Variants in UNC13C observed in about 807,000 individuals in gnomAD.
UNC13C encodes protein unc-13 homolog C.
A neutral mutation model predicts 245.4 loss-of-function variants in UNC13C; 174 were observed. The observed-to-expected ratio is 0.71, with a 90% CI of 0.63 to 0.80. UNC13C has a LOEUF of 0.80. Among genes scored for constraint, UNC13C ranks in the 30% least tolerant of loss-of-function variants. The pLI, the probability that UNC13C is intolerant of heterozygous loss-of-function variation, is 0.00. For synonymous variants in UNC13C, 992 were observed against 895.1 expected (o/e 1.11, Z -1.93); for missense variants, 2,829 against 2,602.9 (o/e 1.09, Z -1.89).
intron 30 of UNC13C, among the ~76,000 whole-genome samples, chr15:54,616,146 C>A (rs957046344): frequency 1.3e-5 from 2 of 152,050 alleles, no homozygotes; most frequent in Admixed American, 1.3e-4. Context: ...CTCAGCAACA[C>A]ACTTCAGCAA....
In UNC13C at chr15:54,207,716, T is replaced by A. The variant is rs578083649; in HGVS notation, c.3072-27314T>A. Among the ~76,000 whole-genome samples, 41 of 152,266 alleles carry A rather than the reference T, an allele frequency of 2.7e-4. 1 individual carries two copies. In the South Asian group the frequency reaches 7.9e-3, roughly 29 times the overall value. On this transcript the variant is annotated intron_variant, in intron 4 of 32. Transcript: ENST00000260323. ...TAAACAATATTCAGAACACAATATA[T>A]GTCTTTTCTTAAAATGACTCAATGC...
chr15:54,254,313 C>A (rs2036225310), intron 8 of UNC13C, among the ~76,000 whole-genome samples: 1 of 152,180 alleles, frequency 6.6e-6, no homozygotes, highest in Non-Finnish European at 1.5e-5. Flanking sequence ...TGGACTCAAC[C>A]TTATTTTCTA....
At chr15:54,404,371 T>C (rs2040250977) in intron 18 of UNC13C, among the ~76,000 whole-genome samples, 1 of 152,210 alleles carries the variant, frequency 6.6e-6, no homozygotes, top group Admixed American at 6.5e-5. Context: ...ATTTGCAAGA[T>C]AATAAATTGG....
intron 4 of UNC13C, among the ~76,000 whole-genome samples, chr15:54,178,096 G>T (rs1595954496): frequency 6.6e-6 from 1 of 151,976 alleles, no homozygotes; most frequent in African/African-American, 2.4e-5. Flanking sequence ...TTAAGCAGGA[G>T]AATTATTCTC....
intron 4 of UNC13C, among the ~76,000 whole-genome samples, chr15:54,198,250 C>G (rs919092571): frequency 2.0e-5 from 3 of 152,078 alleles, no homozygotes; most frequent in Non-Finnish European, 4.4e-5. Flanking sequence ...GCCCTGGTAG[C>G]CAAAGACAAA....
In UNC13C at chr15:54,088,973, T is replaced by C. The variant is rs73420912; in HGVS notation, c.2984-54045T>C. Among the ~76,000 whole-genome samples the C allele has an allele frequency of 7.7e-3, 1,168 of 152,286 alleles. 25 individuals are homozygous for C. Among genetic ancestry groups the C allele is most frequent in the African/African-American group, 0.027 (1,105 of 41,560 alleles). On this transcript the variant is annotated intron_variant, in intron 2 of 32. Transcript: ENST00000260323. Reference sequence around the variant, plus strand: ...AACTTGGCGGGGGGGAACATCCACATGAAGTTCCAGAAACTTGATGCTGGC... The same window carrying C: ...AACTTGGCGGGGGGGAACATCCACACGAAGTTCCAGAAACTTGATGCTGGC...
intron 30 of UNC13C, among the ~76,000 whole-genome samples, chr15:54,607,560 C>T (rs567691121): frequency 5.7e-4 from 86 of 152,148 alleles, no homozygotes; most frequent in African/African-American, 2.0e-3. Flanking sequence ...AGGTATTAGT[C>T]CATTCTCACA....
the UNC13C span, among the ~76,000 whole-genome samples, chr15:53,925,788 G>A: frequency 4.9e-4 from 74 of 152,242 alleles, no homozygotes; most frequent in African/African-American, 1.6e-3. Flanking sequence ...AGGTGTCTCC[G>A]AAATCTATTT....
chr15:54,416,103 C>A (rs561040028), intron 19 of UNC13C, among the ~76,000 whole-genome samples: 1 of 152,248 alleles, frequency 6.6e-6, no homozygotes, highest in Non-Finnish European at 1.5e-5. Context: ...TAGCAGGGAC[C>A]AGCAGACAGG....
chr15:54,524,539 T>C (rs1262269238), intron 24 of UNC13C, among the ~76,000 whole-genome samples: 1 of 152,234 alleles, frequency 6.6e-6, no homozygotes, highest in Non-Finnish European at 1.5e-5. Context: ...GCTACCCAGC[T>C]GCAGAGATAT....
At chr15:54,138,415 A>G (rs1031754235) in intron 2 of UNC13C, among the ~76,000 whole-genome samples, 8 of 135,102 alleles carry the variant, frequency 5.9e-5, no homozygotes, top group African/African-American at 2.2e-4. Context: ...TCTCAAGTCT[A>G]TTTCTATATA....
At chr15:54,033,616 C>T (rs1459295795) in intron 2 of UNC13C, among the ~76,000 whole-genome samples, 3 of 152,162 alleles carry the variant, frequency 2.0e-5, no homozygotes, top group Non-Finnish European at 4.4e-5. Flanking sequence ...ATAAAATCCC[C>T]TAAAGTTTTG....
intron 28 of UNC13C, among the ~76,000 whole-genome samples, chr15:54,552,376 T>G (rs28623720): frequency 0.01 from 1,059 of 105,528 alleles, 25 homozygotes; most frequent in African/African-American, 0.035. Flanking sequence ...TATTATATAT[T>G]ACAGCATATA....
At chr15:54,153,661 T>G (rs572735582) in intron 4 of UNC13C, among the ~76,000 whole-genome samples, 1 of 152,220 alleles carries the variant, frequency 6.6e-6, no homozygotes, top group East Asian at 1.9e-4. Context: ...TATTTTAAAT[T>G]TAACATTACA....
intron 19 of UNC13C, among the ~76,000 whole-genome samples, chr15:54,472,703 G>A (rs1219151861): frequency 6.6e-6 from 1 of 151,810 alleles, no homozygotes; most frequent in South Asian, 2.1e-4. Flanking sequence ...TCATAATTTT[G>A]AGTATATCAT....
At chr15:54,438,630 G>A (rs184999001) in intron 19 of UNC13C, among the ~76,000 whole-genome samples, 2 of 151,954 alleles carry the variant, frequency 1.3e-5, no homozygotes. Context: ...TTGTTATCTA[G>A]GTAAAATTTC....
At chr15:54,371,393 T>TA (rs2039484441) in intron 17 of UNC13C, among the ~76,000 whole-genome samples, 1 of 152,130 alleles carries the variant, frequency 6.6e-6, no homozygotes, top group Non-Finnish European at 1.5e-5. Context: ...ATTAAACACA[T>TA]ACACTACTCT....
At chr15:54,430,448 T>C (rs2040848672) in intron 19 of UNC13C, among the ~76,000 whole-genome samples, 1 of 151,664 alleles carries the variant, frequency 6.6e-6, no homozygotes, top group Non-Finnish European at 1.5e-5. Context: ...CTCTCATTTA[T>C]ATGTTTGGAT....
At chr15:54,118,806 A>G (rs1249806355) in intron 2 of UNC13C, among the ~76,000 whole-genome samples, 1 of 150,792 alleles carries the variant, frequency 6.6e-6, no homozygotes, top group African/African-American at 2.4e-5. Flanking sequence ...ATTTTGAGGT[A>G]TGTTTTTTCT....
Sources: allele counts gnomAD v4.1 joint callset (sites outside exome capture counted in the v4.1 genomes callset), GRCh38; gene constraint gnomAD v4.1.1; transcripts MANE v1.5; gene names NCBI Gene and HGNC (gene_info 2026-07-23, HGNC 2026-07-21).